TMTC3: variants seen among roughly 807,000 people sequenced by gnomAD.
TMTC3 encodes transmembrane O-mannosyltransferase targeting cadherins 3, also known as protein O-mannosyl-transferase TMTC3.
Under a neutral mutation model 92.2 loss-of-function variants are expected in TMTC3, and 52 were observed. That is an observed-to-expected ratio of 0.56 (90% CI 0.45 to 0.71). TMTC3 has a LOEUF of 0.71. Among genes scored for constraint, TMTC3 ranks in the 30% least tolerant of loss-of-function variants. TMTC3 has a pLI of 0.00. For missense variants in TMTC3, 896 were observed against 1,057.1 expected (o/e 0.85, Z 2.11); for synonymous variants, 339 against 363.3 (o/e 0.93, Z 0.76).
chr12:88,192,947 A>T (rs1348765446), intron 13 of TMTC3, 117 bp downstream of exon 13: 3 of 707,180 alleles, frequency 4.2e-6, no homozygotes, highest in East Asian at 2.8e-5. Context: ...TTATAGCAAT[A>T]CTGTGCTTAA....
chr12:88,195,498 A>G lies in TMTC3; in HGVS notation c.2594A>G (p.Lys865Arg), dbSNP rs1339511578. ...CAAATAGTAAAAACAAGTGATAATA[A>G]AAGTCAGTCTAAATCCAACAAACAA... ...QTQIVKTSDN[K>R]SQSKSNKQLG... Residue 865 changes from lysine to arginine, a missense_variant, in exon 14 of 14, where the codon AAA becomes AGA. Transcript: ENST00000266712. The G allele has an allele frequency of 6.2e-7, 1 of 1,613,244 alleles. No homozygotes were observed. The highest frequency in any genetic ancestry group is 8.5e-7 in the Non-Finnish European group (1 of 1,179,670).
chr12:88,194,481 T>G (rs1346117249), intron 13 of TMTC3, among the ~76,000 whole-genome samples: 1 of 152,192 alleles, frequency 6.6e-6, no homozygotes, highest in African/African-American at 2.4e-5. Flanking sequence ...CATAATGTTA[T>G]CAGAATCAAG....
At chr12:88,156,890 G>T (rs557264058) in intron 4 of TMTC3, among the ~76,000 whole-genome samples, 1 of 145,106 alleles carries the variant, frequency 6.9e-6, no homozygotes, top group African/African-American at 2.5e-5. Flanking sequence ...GTTGATTTTT[G>T]GGGAAAGGAC....
chr12:88,188,987 A>C lies in TMTC3; in HGVS notation c.1536+41A>C, dbSNP rs370829440. On this transcript the variant is annotated intron_variant, in intron 11 of 13. Coordinates refer to ENST00000266712, the MANE Select transcript of TMTC3 (RefSeq NM_181783.4). ...TTATCTATTGTGTCATATCTATTAG[A>C]TGTCCATATTGAATAGAATTATCTA... The C allele has an allele frequency of 5.6e-6, 6 of 1,065,812 alleles. No homozygotes were observed. In the African/African-American group the frequency reaches 8.0e-5, roughly 14 times the overall value. The allele number at this position is 1,065,812 out of a possible 1,614,324, so 66.0% of individuals were successfully genotyped here.
intron 10 of TMTC3, among the ~76,000 whole-genome samples, chr12:88,187,178 A>AGAAAAG (rs2041387212): frequency 6.6e-6 from 1 of 150,702 alleles, no homozygotes; most frequent in African/African-American, 2.5e-5. Flanking sequence ...AAAAAAAAAA[A>AGAAAAG]AAAAGATATA....
rs1159862894 is a variant in TMTC3, at chr12:88,199,698, CAG to C, written c.*4050_*4051del. The C allele has an allele frequency of 1.3e-5, 2 of 152,158 alleles. No homozygotes were observed. The highest frequency in any genetic ancestry group is 2.9e-5 in the Non-Finnish European group (2 of 68,026). The allele number at this position is 152,158 out of a possible 1,614,324, so 9.4% of individuals were successfully genotyped here. A position where few individuals can be genotyped will look rare whatever the true frequency, so the allele number is the denominator to read the frequency against. On this transcript the variant is annotated 3_prime_UTR_variant, in exon 14 of 14. Transcript: ENST00000266712. ...ACTACCTTGTGCTGTTCACTGCCAT[CAG>C]GGAGGTAGCATAAAATGAAAGATAA...
Position 88,154,369 on chromosome 12 carries a change from G to A in TMTC3, c.490G>A (p.Gly164Arg). The A allele has an allele frequency of 6.2e-7, 1 of 1,600,590 alleles. No individual in the cohort carries two copies. The highest frequency in any genetic ancestry group is 8.5e-7 in the Non-Finnish European group (1 of 1,176,082). ...TTTTTTGTCATATACCAGATCAAAA[G>A]GACCAGACAATTCCATAAGTACATG... Reference protein sequence around the residue: ...AAFLSYTRSKGPDNSIIWTPI... With the variant: ...AAFLSYTRSKRPDNSIIWTPI... The change falls in exon 4 of 14, where the codon GGA becomes AGA. Residue 164 changes from glycine to arginine, a missense_variant. Transcript: ENST00000266712.
At chr12:88,158,249 A>C (rs2041033300) in intron 4 of TMTC3, among the ~76,000 whole-genome samples, 1 of 152,104 alleles carries the variant, frequency 6.6e-6, no homozygotes, top group African/African-American at 2.4e-5. Flanking sequence ...ACATCCATTC[A>C]TACTATTCTC....
At chr12:88,166,181 C>T (rs779672194) in intron 6 of TMTC3, 149 bp from the exon 7 acceptor site, 63 of 737,654 alleles carry the variant, frequency 8.5e-5, no homozygotes, top group Non-Finnish European at 1.7e-5. Context: ...TGAACTCTAG[C>T]AAGAGTCTGA....
intron 4 of TMTC3, among the ~76,000 whole-genome samples, chr12:88,156,298 G>GTT (rs955810117): frequency 1.6e-4 from 25 of 152,294 alleles, no homozygotes; most frequent in African/African-American, 5.8e-4. Context: ...TAAAGGGAAA[G>GTT]GCCAGGGCCA....
At position 88,174,710 on chromosome 12, in the gene TMTC3, T is replaced by C; in HGVS notation, c.1303T>C (p.Phe435Leu). The C allele has an allele frequency of 6.2e-7, 1 of 1,612,268 alleles. No homozygotes were observed. The highest frequency in any genetic ancestry group is 8.5e-7 in the Non-Finnish European group (1 of 1,178,910). ...GGATTGGGAGTCTGAATATACATTG[T>C]TTATGTCAGCCTTGAAGGTAAAGTG... ...NWDWESEYTL[F>L]MSALKVNKNN... The change falls in exon 9 of 14, where the codon TTT (phenylalanine) becomes CTT (leucine). Residue 435 changes from phenylalanine (F) to leucine (L), a missense_variant. Coordinates refer to ENST00000266712, the MANE Select transcript of TMTC3 (RefSeq NM_181783.4).
At position 88,162,407 on chromosome 12, in the gene TMTC3, T is replaced by C. The variant is rs149931016; in HGVS notation, c.797+1556T>C. 5.5e-3 allele frequency among the ~76,000 whole-genome samples: 834 copies of C among 152,280 alleles called. 14 individuals carry two copies. Among genetic ancestry groups the C allele is most frequent in the African/African-American group, 0.019 (780 of 41,578 alleles). The stretch of plus-strand genomic sequence containing the variant: ...TCAAATATTTTTGCCATCTTTTCTT[T>C]TTCCTATTTTTCTTGTATGTCAGTT... On this transcript the variant is annotated intron_variant, in intron 6 of 13. Coordinates refer to ENST00000266712, the MANE Select transcript of TMTC3 (RefSeq NM_181783.4).
In TMTC3 at chr12:88,174,622, A is replaced by G. The variant is rs1169613332; in HGVS notation, c.1215A>G (p.Leu405=). The G allele has an allele frequency of 6.2e-7, 1 of 1,609,700 alleles. No individual in the cohort carries two copies. ...TCTTAAACAGTGTATTTAAAAAGCT[A>G]TCCTGGATTTGTCTGTCTATGGTGA... ...KISTKSVFKK[L]SWICLSMVIL... The change falls in exon 9 of 14, where the codon CTA becomes CTG. Residue 405 remains leucine, a synonymous_variant. Transcript: ENST00000266712.
intron 10 of TMTC3, among the ~76,000 whole-genome samples, chr12:88,180,987 C>T (rs1226994258): frequency 1.3e-5 from 2 of 152,126 alleles, no homozygotes; most frequent in Admixed American, 6.5e-5. Flanking sequence ...CATATTCCCC[C>T]TTTTTAGTTT....
At position 88,197,054 on chromosome 12, in the gene TMTC3, C is replaced by T. The variant is rs907035789; in HGVS notation, c.*1405C>T. 3.9e-5 allele frequency: 6 copies of T among 152,036 alleles called. No homozygotes were observed. Among genetic ancestry groups the T allele is most frequent in the Admixed American group, 2.0e-4 (3 of 15,204 alleles). 9.4% of individuals were successfully genotyped at this position (152,036 alleles called of 1,614,324 possible). A position where few individuals can be genotyped will look rare whatever the true frequency, so the allele number is the denominator to read the frequency against. ...TTTAAAATATGAAAGCTCTGGCTAT[C>T]ATCCTGGGATAGTAATTTCTAATTA... is the stretch of plus-strand genomic sequence containing the variant. On this transcript the variant is annotated 3_prime_UTR_variant, in exon 14 of 14. Transcript: ENST00000266712.
At chr12:88,185,159 TAATTAC>T (rs1293656139) in intron 10 of TMTC3, among the ~76,000 whole-genome samples, 2 of 152,162 alleles carry the variant, frequency 1.3e-5, no homozygotes, top group Non-Finnish European at 2.9e-5. Context: ...TGTGAGACCA[TAATTAC>T]AATTAAGATA....
intron 10 of TMTC3, among the ~76,000 whole-genome samples, chr12:88,179,503 T>C (rs1317224275): frequency 6.6e-6 from 1 of 152,164 alleles, no homozygotes; most frequent in Non-Finnish European, 1.5e-5. Flanking sequence ...TAGGCAATAA[T>C]GTATATTCAA....
In TMTC3 at chr12:88,194,973, G is replaced by C; in HGVS notation, c.2069G>C (p.Trp690Ser). Residue 690 changes from tryptophan (W) to serine (S), a missense_variant, in exon 14 of 14, where the codon TGG becomes TCG. Coordinates refer to ENST00000266712, the MANE Select transcript of TMTC3 (RefSeq NM_181783.4). Reference protein sequence around the residue: ...DDKKDNEAEIWMKKAIKLQAD... With the variant: ...DDKKDNEAEISMKKAIKLQAD... The stretch of plus-strand genomic sequence containing the variant: ...AAAAAGGACAATGAAGCAGAGATTT[G>C]GATGAAGAAAGCCATAAAGTTACAA... The C allele has an allele frequency of 6.2e-7, 1 of 1,613,790 alleles. No individual in the cohort carries two copies. The highest frequency in any genetic ancestry group is 8.5e-7 in the Non-Finnish European group (1 of 1,179,900).
At chr12:88,188,168 G>A (rs1481985439) in intron 10 of TMTC3, among the ~76,000 whole-genome samples, 2 of 152,088 alleles carry the variant, frequency 1.3e-5, no homozygotes, top group African/African-American at 4.8e-5. Flanking sequence ...TTATCATTAT[G>A]TTCCATTATA....
Sources: gnomAD v4.1 joint callset for allele counts (sites outside exome capture counted in the v4.1 genomes callset) on GRCh38, gnomAD v4.1.1 for gene constraint, MANE v1.5 for transcripts, NCBI Gene and HGNC (gene_info 2026-07-23, HGNC 2026-07-21) for gene names.